PDGFD: variants seen among roughly 807,000 people sequenced by gnomAD.
PDGFD encodes platelet-derived growth factor D.
In PDGFD, 30 loss-of-function variants were observed where a neutral mutation model predicts 44.7. The observed-to-expected ratio is 0.67, with a 90% CI of 0.50 to 0.91. PDGFD has a LOEUF of 0.91. PDGFD is among the 40% of genes least tolerant of loss of function. The pLI is 0.00. For missense variants in PDGFD, 445 were observed against 457.8 expected (o/e 0.97, Z 0.25); for synonymous variants, 173 against 168.4 (o/e 1.03, Z -0.21).
intron 1 of PDGFD, among the ~76,000 whole-genome samples, chr11:104,025,697 C>G (rs1019608816): frequency 4.6e-5 from 7 of 152,152 alleles, no homozygotes; most frequent in Non-Finnish European, 1.0e-4. Flanking sequence ...CCCAAGGGCA[C>G]TGGAAAGCGG....
At chr11:104,024,372 G>C (rs1017264131) in intron 1 of PDGFD, among the ~76,000 whole-genome samples, 3 of 152,054 alleles carry the variant, frequency 2.0e-5, no homozygotes, top group African/African-American at 7.2e-5. Flanking sequence ...TTTCTTCAAG[G>C]AACCACAGTG....
intron 1 of PDGFD, among the ~76,000 whole-genome samples, chr11:104,131,780 A>G (rs2119844571): frequency 7.4e-6 from 1 of 135,162 alleles, no homozygotes; most frequent in East Asian, 2.2e-4. Context: ...TCCTTTAAGT[A>G]TCCTAAATGG....
chr11:104,097,736 C>T (rs552547309), intron 1 of PDGFD, among the ~76,000 whole-genome samples: 16 of 152,296 alleles, frequency 1.1e-4, no homozygotes, highest in African/African-American at 3.8e-4. Flanking sequence ...CAGCTGTTAT[C>T]CTCCTTTTAC....
In PDGFD at chr11:104,080,039, A is replaced by G. The variant is rs374378443; in HGVS notation, c.125-79784T>C. Among the ~76,000 whole-genome samples, 8 of 152,298 alleles carry G rather than the reference A, an allele frequency of 5.3e-5. 1 individual carries two copies. The highest frequency in any genetic ancestry group is 1.9e-4 in the East Asian group (1 of 5,184). ...CATACCAATGTGGCTGAAAATCCCT[A>G]TGAGTTACTCTTAGTCTTCCCCACT... is the stretch of plus-strand genomic sequence containing the variant. On this transcript the variant is annotated intron_variant, in intron 1 of 6. Coordinates refer to ENST00000393158, the MANE Select transcript of PDGFD (RefSeq NM_025208.5).
At chr11:104,143,632 T>C (rs1862118575) in intron 1 of PDGFD, among the ~76,000 whole-genome samples, 1 of 152,192 alleles carries the variant, frequency 6.6e-6, no homozygotes, top group Non-Finnish European at 1.5e-5. Flanking sequence ...CTGGTGCATA[T>C]AATCTACTAG....
chr11:104,024,149 T>C (rs1860004920), intron 1 of PDGFD, among the ~76,000 whole-genome samples: 1 of 152,132 alleles, frequency 6.6e-6, no homozygotes, highest in Non-Finnish European at 1.5e-5. Context: ...AATGTATAAC[T>C]TGGCATTGAG....
chr11:103,909,718 G>C lies in PDGFD; in HGVS notation c.1089C>G (p.Ile363Met), dbSNP rs755557173. The change falls in exon 7 of 7, where the codon ATC (isoleucine) becomes ATG (methionine). Residue 363 changes from isoleucine to methionine, a missense_variant. Ile to Met is a conservative substitution (Grantham distance 10, BLOSUM62 1). Coordinates refer to ENST00000393158, the MANE Select transcript of PDGFD (RefSeq NM_025208.5). ...QLDHHERCDC[I>M]CSSRPPR ...CTTATCGAGGTGGTCTTGAGCTGCA[G>C]ATACAATCACATCGTTCATGGTGAT... The C allele has an allele frequency of 3.7e-6, 6 of 1,613,904 alleles. No homozygotes were observed. Among genetic ancestry groups the C allele is most frequent in the African/African-American group, 2.7e-5 (2 of 74,910 alleles).
Position 104,127,699 on chromosome 11 carries a change from A to ATG in PDGFD, c.124+36104_124+36105insCA, listed in dbSNP as rs752874200. Among the ~76,000 whole-genome samples the ATG allele has an allele frequency of 2.3e-4, 35 of 152,096 alleles. No homozygotes were observed. The East Asian group carries it at 2.7e-3, about 12-fold the overall frequency. ...GTATGTGCTAAACAGTGGTATGAAT[A>ATG]CGTGTGTGTGTGTGCATGTGTGTGT... On this transcript the variant is annotated intron_variant, in intron 1 of 6. Coordinates refer to ENST00000393158, the MANE Select transcript of PDGFD (RefSeq NM_025208.5).
intron 1 of PDGFD, among the ~76,000 whole-genome samples, chr11:104,119,682 G>A (rs1348280094): frequency 8.2e-5 from 7 of 85,146 alleles, no homozygotes; most frequent in South Asian, 4.1e-4. Context: ...TATATATATC[G>A]ATATATAATA....
chr11:103,943,417 T>G (rs1858617134), intron 5 of PDGFD, 35 bp downstream of exon 5: 1 of 1,572,532 alleles, frequency 6.4e-7, no homozygotes, highest in Non-Finnish European at 8.7e-7. Flanking sequence ...GATTTCTATG[T>G]GCTTATGAAG....
chr11:104,116,999 G>T (rs766848721), intron 1 of PDGFD, among the ~76,000 whole-genome samples: 26 of 151,974 alleles, frequency 1.7e-4, no homozygotes, highest in Non-Finnish European at 3.7e-4. Flanking sequence ...GTCTTTATTA[G>T]CAGTGTGCAA....
At chr11:104,034,532 C>T (rs574883052) in intron 1 of PDGFD, among the ~76,000 whole-genome samples, 2 of 152,100 alleles carry the variant, frequency 1.3e-5, no homozygotes, top group Non-Finnish European at 2.9e-5. Flanking sequence ...TTCTAACAAC[C>T]CTTCAAAGAA....
At chr11:104,098,410 T>G (rs1430027774) in intron 1 of PDGFD, among the ~76,000 whole-genome samples, 1 of 152,108 alleles carries the variant, frequency 6.6e-6, no homozygotes, top group Non-Finnish European at 1.5e-5. Context: ...TTACTTTACA[T>G]TTGTAGTTGC....
intron 5 of PDGFD, among the ~76,000 whole-genome samples, chr11:103,938,940 T>C (rs954106640): frequency 5.3e-5 from 8 of 152,252 alleles, no homozygotes; most frequent in East Asian, 3.9e-4. Flanking sequence ...CAGTACCATG[T>C]TGTTTTGGTT....
At chr11:104,012,060 T>G (rs1859793664) in intron 1 of PDGFD, among the ~76,000 whole-genome samples, 1 of 152,160 alleles carries the variant, frequency 6.6e-6, no homozygotes, top group Non-Finnish European at 1.5e-5. Flanking sequence ...ATGCAAATGA[T>G]TCCCGCATTA....
intron 6 of PDGFD, among the ~76,000 whole-genome samples, chr11:103,920,068 G>C (rs1419125919): frequency 6.6e-6 from 1 of 152,188 alleles, no homozygotes; most frequent in East Asian, 1.9e-4. Flanking sequence ...GGCTGGCATT[G>C]TAACAGAAGG....
chr11:104,003,885 C>T (rs932919080), intron 1 of PDGFD, among the ~76,000 whole-genome samples: 2 of 152,086 alleles, frequency 1.3e-5, no homozygotes, highest in African/African-American at 4.8e-5. Flanking sequence ...AAGGAGTGCC[C>T]ACCTGGAGCA....
rs551391884 is a variant in PDGFD at position 104,105,516 on chromosome 11, A to C, written c.124+58288T>G. Among the ~76,000 whole-genome samples the C allele has an allele frequency of 2.0e-5, 3 of 152,292 alleles. No homozygotes were observed. In the South Asian group the frequency reaches 6.2e-4, roughly 32 times the overall value. On this transcript the variant is annotated intron_variant, in intron 1 of 6. Coordinates refer to ENST00000393158, the MANE Select transcript of PDGFD (RefSeq NM_025208.5). Reference sequence around the variant, plus strand: ...TTGGTCAGTTATTTATCTAACTCACATAAGACTAAAAGAAAAAAGGATATT... The same window carrying C: ...TTGGTCAGTTATTTATCTAACTCACCTAAGACTAAAAGAAAAAAGGATATT...
chr11:103,975,546 T>C (rs1463479620), intron 3 of PDGFD, among the ~76,000 whole-genome samples: 1 of 152,232 alleles, frequency 6.6e-6, no homozygotes, highest in South Asian at 2.1e-4. Context: ...TTTTGGTGTT[T>C]TAGTCATGAA....
Sources: gnomAD v4.1 joint callset for allele counts (sites outside exome capture counted in the v4.1 genomes callset) on GRCh38, gnomAD v4.1.1 for gene constraint, MANE v1.5 for transcripts, NCBI Gene and HGNC (gene_info 2026-07-23, HGNC 2026-07-21) for gene names.